Variants in RASL10A observed in about 807,000 individuals in gnomAD.
The protein encoded by RASL10A is ras-like protein family member 10A.
Under a neutral mutation model 17.3 loss-of-function variants are expected in RASL10A, and 13 were observed. The ratio of observed to expected loss-of-function variants is 0.75; its 90% CI spans 0.49 to 1.20. RASL10A has a LOEUF of 1.20. Ranked by LOEUF, RASL10A falls within the 50% of genes most tolerant of loss-of-function variation. The pLI is 0.00. For synonymous variants in RASL10A, 159 were observed against 142.2 expected (o/e 1.12, Z -0.84); for missense variants, 307 against 310.3 (o/e 0.99, Z 0.08).
At chr22:29,318,041 G>A (rs1569146134), upstream of RASL10A, among the ~76,000 whole-genome samples, 1 of 152,126 alleles carries the variant, frequency 6.6e-6, no homozygotes, top group Non-Finnish European at 1.5e-5. Flanking sequence ...CCCACCCCTG[G>A]GTATTCTTTC....
chr22:29,318,714 C>G (rs935833489), upstream of RASL10A, among the ~76,000 whole-genome samples: 23 of 152,190 alleles, frequency 1.5e-4, no homozygotes, highest in African/African-American at 5.3e-4. Context: ...CCTGCTGCCC[C>G]CCTCCAATCC....
At chr22:29,314,138 C>A in intron 1 of RASL10A, 151 bp from the exon 2 acceptor site, 1 of 1,068,046 alleles carries the variant, frequency 9.4e-7, no homozygotes, top group Non-Finnish European at 1.3e-6. Context: ...GCCGTCTCCT[C>A]ATGACCACCA....
Position 29,315,242 on chromosome 22 carries a change from C to G in RASL10A, c.5G>C (p.Gly2Ala), listed in dbSNP as rs766996947. Residue 2 changes from glycine (G) to alanine (A), a missense_variant, in exon 1 of 3, where the codon GGG becomes GCG. Physicochemically the swap from Gly to Ala is moderately conservative, Grantham distance 60 (BLOSUM62 0). Coordinates refer to ENST00000216101, the MANE Select transcript of RASL10A (RefSeq NM_006477.5). This position sits in a 1 kb window ranked among gnomAD's most constrained non-coding sequence, Gnocchi z 5.5. M[G>A]GSLRVAVLGA... ...TAGAACGGCCACCCGCAGGCTACCC[C>G]CCATGGCCGGCCGGCGCTGTCGCTC... 9.5e-6 allele frequency: 14 copies of G among 1,480,344 alleles called. No homozygotes were observed. Among genetic ancestry groups the G allele is most frequent in the South Asian group, 5.2e-5 (4 of 77,088 alleles). 91.7% of individuals were successfully genotyped at this position (1,480,344 alleles called of 1,614,324 possible).
upstream of RASL10A, chr22:29,319,493 TTTC>T (rs2061466539): frequency 2.6e-5 from 4 of 152,358 alleles, no homozygotes; most frequent in South Asian, 6.2e-4. Context: ...CCTCTGAAAG[TTTC>T]TTTTCTTGGG....
chr22:29,316,318 A>G (rs1272874254), upstream of RASL10A, among the ~76,000 whole-genome samples: 2 of 152,166 alleles, frequency 1.3e-5, no homozygotes, highest in Non-Finnish European at 2.9e-5. Flanking sequence ...GGCCCACACT[A>G]GACAATATTC....
intron 2 of RASL10A, 67 bp downstream of exon 2, chr22:29,313,794 ACT>A: frequency 6.3e-7 from 1 of 1,591,260 alleles, no homozygotes; most frequent in South Asian, 1.1e-5. Context: ...GACCCTACAC[ACT>A]CTCCTCAGGC....
chr22:29,315,034 A>G lies in RASL10A; in HGVS notation c.213T>C (p.Gly71=), dbSNP rs1253993406. 3 of 1,505,190 alleles carry G rather than the reference A, an allele frequency of 2.0e-6. No homozygotes were observed. Among genetic ancestry groups the G allele is most frequent in the Non-Finnish European group, 2.7e-6 (3 of 1,131,816 alleles). The allele number at this position is 1,505,190 out of a possible 1,614,324, so 93.2% of individuals were successfully genotyped here. A position where few individuals can be genotyped will look rare whatever the true frequency, so the allele number is the denominator to read the frequency against. ...DVAGPGSSPG[G]PEEWPDAKDW... ...CCGCTCCTCGAGCCGCTACCTCCGG[A>G]CCCCCGGGGCTCGAGCCGGGGCCAG... is the stretch of plus-strand genomic sequence containing the variant. Residue 71 remains glycine (G), a synonymous_variant, in exon 1 of 3, where the codon GGT becomes GGC. Transcript: ENST00000216101. The surrounding 1 kb of genome is among the most constrained non-coding windows in gnomAD (Gnocchi z 5.5).
In RASL10A at chr22:29,313,925, G is replaced by A; in HGVS notation, c.282C>T (p.Asp94=). The part of the protein sequence containing the change: ...QDTDAFVLVY[D]ICSPDSFDYV... ...AGTCGAAACTGTCCGGGCTGCAGAT[G>A]TCGTAGACGAGCACGAAGGCGTCCG... Residue 94 remains aspartate, a synonymous_variant, in exon 2 of 3, where the codon GAC becomes GAT. Transcript: ENST00000216101. 3 of 1,613,980 alleles carry A rather than the reference G, an allele frequency of 1.9e-6. No homozygotes were observed. Among genetic ancestry groups the A allele is most frequent in the Non-Finnish European group, 2.5e-6 (3 of 1,180,036 alleles).
In RASL10A at chr22:29,315,022, C is replaced by T. The variant is rs1308546890; in HGVS notation, c.219+6G>A. ...ACACGCCCCTGCCCGCTCCTCGAGCCGCTACCTCCGGACCCCCGGGGCTCG... is the reference window on the plus strand; with the variant it reads ...ACACGCCCCTGCCCGCTCCTCGAGCTGCTACCTCCGGACCCCCGGGGCTCG... On this transcript the variant is annotated splice_donor_region_variant and intron_variant, in intron 1 of 2. Transcript: ENST00000216101. This position sits in a 1 kb window ranked among gnomAD's most constrained non-coding sequence, Gnocchi z 5.5. 2 of 1,497,976 alleles carry T rather than the reference C, an allele frequency of 1.3e-6. No homozygotes were observed. The highest frequency in any genetic ancestry group is 1.8e-6 in the Non-Finnish European group (2 of 1,128,080). 92.8% of individuals were successfully genotyped at this position (1,497,976 alleles called of 1,614,324 possible).
upstream of RASL10A, chr22:29,315,888 T>C (rs960909151): frequency 1.3e-5 from 2 of 152,130 alleles, no homozygotes; most frequent in Non-Finnish European, 2.9e-5. This position sits in a 1 kb window ranked among gnomAD's most constrained non-coding sequence, Gnocchi z 5.5. Flanking sequence ...CCCGCTCCTC[T>C]CACCCGCTCC....
intron 1 of RASL10A, 39 bp downstream of exon 1, chr22:29,314,989 A>G (rs1350430425): frequency 1.3e-5 from 18 of 1,427,612 alleles, no homozygotes; most frequent in Non-Finnish European, 1.6e-5. Flanking sequence ...CACACCCCTC[A>G]CACTGTCACA....
Position 29,313,264 on chromosome 22 carries a change from A to C in RASL10A, c.*37T>G. On this transcript the variant is annotated 3_prime_UTR_variant, in exon 3 of 3. Transcript: ENST00000216101. ...ATCCAGGTCCCTGATTGTCCCAGTC[A>C]CAAGGTGGGGCCCATGGATGGCACT... The C allele has an allele frequency of 6.9e-7, 1 of 1,452,256 alleles. No individual in the cohort carries two copies. Among genetic ancestry groups the C allele is most frequent in the Non-Finnish European group, 9.1e-7 (1 of 1,098,938 alleles). 90.0% of individuals were successfully genotyped at this position (1,452,256 alleles called of 1,614,324 possible).
At chr22:29,316,332 C>T (rs569537182), upstream of RASL10A, among the ~76,000 whole-genome samples, 1 of 152,210 alleles carries the variant, frequency 6.6e-6, no homozygotes, top group Non-Finnish European at 1.5e-5. Flanking sequence ...AATATTCAAA[C>T]AGCCGTCCTC....
intron 2 of RASL10A, 145 bp from the exon 3 acceptor site, chr22:29,313,713 G>A: frequency 7.0e-7 from 1 of 1,438,726 alleles, no homozygotes; most frequent in Non-Finnish European, 9.2e-7. Flanking sequence ...GGCCCATGTG[G>A]GCCAAAGAGC....
chr22:29,314,031 C>T (rs766843874), intron 1 of RASL10A, 44 bp from the exon 2 acceptor site: 20 of 1,605,402 alleles, frequency 1.2e-5, no homozygotes, highest in Admixed American at 6.7e-5. Context: ...CCTTTCCACT[C>T]TTCCGCTCTC....
Position 29,315,327 on chromosome 22 carries a change from CGCGCGCCCT to C in RASL10A, c.-90_-82del. 1 of 994,800 alleles carries C rather than the reference CGCGCGCCCT, an allele frequency of 1.0e-6. No individual in the cohort carries two copies. Among genetic ancestry groups the C allele is most frequent in the Non-Finnish European group, 1.3e-6 (1 of 778,260 alleles). The allele number at this position is 994,800 out of a possible 1,614,324, so 61.6% of individuals were successfully genotyped here. A position where few individuals can be genotyped will look rare whatever the true frequency, so the allele number is the denominator to read the frequency against. On this transcript the variant is annotated 5_prime_UTR_variant, in exon 1 of 3. Transcript: ENST00000216101. The surrounding 1 kb of genome is among the most constrained non-coding windows in gnomAD (Gnocchi z 5.5). Reference sequence around the variant, plus strand: ...CCGTGCGCCCCCAGGCCGTGCGCCCCGCGCGCCCTGCCCGGTGCGCCACGGCCCCGTCGC... The same window carrying C: ...CCGTGCGCCCCCAGGCCGTGCGCCCCGCCCGGTGCGCCACGGCCCCGTCGC...
At chr22:29,316,032 G>C (rs1319417539), upstream of RASL10A, among the ~76,000 whole-genome samples, 1 of 152,216 alleles carries the variant, frequency 6.6e-6, no homozygotes, top group East Asian at 1.9e-4. Flanking sequence ...GCGGCTGTGT[G>C]ACCTTGGGCG....
At chr22:29,314,993 T>G in intron 1 of RASL10A, 35 bp downstream of exon 1, 1 of 1,437,996 alleles carries the variant, frequency 7.0e-7, no homozygotes, top group Non-Finnish European at 9.1e-7. Flanking sequence ...CCCCTCACAC[T>G]GTCACACGCC....
In RASL10A at chr22:29,313,825, G is replaced by A. The variant is rs578070615; in HGVS notation, c.344+38C>T. On this transcript the variant is annotated intron_variant, in intron 2 of 2. Transcript: ENST00000216101. ...CTCAGGCAAAGGCCCTGCCAGACCTGTCCTAGCTCCCCACCGCCAGAACTG... is the reference window on the plus strand; with the variant it reads ...CTCAGGCAAAGGCCCTGCCAGACCTATCCTAGCTCCCCACCGCCAGAACTG... The A allele has an allele frequency of 5.6e-6, 9 of 1,609,562 alleles. No individual in the cohort carries two copies. In the African/African-American group the frequency reaches 1.2e-4, roughly 21 times the overall value.
Sources: gnomAD v4.1 joint callset for allele counts (sites outside exome capture counted in the v4.1 genomes callset) on GRCh38, gnomAD v4.1.1 for gene constraint, Gnocchi (gnomAD v3.1) non-coding constraint, MANE v1.5 for transcripts, NCBI Gene and HGNC (gene_info 2026-07-23, HGNC 2026-07-21) for gene names.